Variants in GALNT10 observed in about 807,000 individuals in gnomAD.
The protein encoded by GALNT10 is GalNAc transferase 10.
GALNT10 carries 41 observed loss-of-function variants against 75.0 expected under a neutral mutation model. That is an observed-to-expected ratio of 0.55 (90% CI 0.43 to 0.71). GALNT10 has a LOEUF of 0.71. Ranked by LOEUF, GALNT10 falls within the 30% of genes least tolerant of loss-of-function variation. GALNT10 has a pLI of 0.00. For missense variants in GALNT10, 727 were observed against 818.5 expected, an observed-to-expected ratio of 0.89 and a Z score of 1.36; for synonymous variants, 302 against 313.0, an observed-to-expected ratio of 0.96 and a Z score of 0.37.
chr5:154,216,390 A>G (rs766279926), intron 1 of GALNT10, among the ~76,000 whole-genome samples: 1 of 152,166 alleles, frequency 6.6e-6, no homozygotes, highest in Non-Finnish European at 1.5e-5. Context: ...AAAAAAATGT[A>G]TCTACTTATT....
chr5:154,334,106 T>C (rs1432326677), intron 4 of GALNT10, among the ~76,000 whole-genome samples: 2 of 152,250 alleles, frequency 1.3e-5, no homozygotes, highest in Admixed American at 6.5e-5. Context: ...ACAAGCTAGA[T>C]TGGCACTGCC....
intron 3 of GALNT10, among the ~76,000 whole-genome samples, chr5:154,324,939 A>G (rs889426571): frequency 1.3e-5 from 2 of 152,322 alleles, no homozygotes; most frequent in East Asian, 3.9e-4. Context: ...GCAAGGATCA[A>G]CCATAAAATA....
rs948493528 is a variant in GALNT10, at chr5:154,376,003, A to G, written c.569-274A>G. On this transcript the variant is annotated intron_variant, in intron 4 of 11. Transcript: ENST00000297107. This position sits in a 1 kb window ranked among gnomAD's most constrained non-coding sequence, Gnocchi z 4.1. The stretch of plus-strand genomic sequence containing the variant: ...ATGAGGGAATGGTTCCCAGTCAGGC[A>G]TAAACCACAAATGTTCACACCCTTG... Among the ~76,000 whole-genome samples, 1 of 152,262 alleles carries G rather than the reference A, an allele frequency of 6.6e-6. No individual in the cohort carries two copies. The highest frequency in any genetic ancestry group is 2.4e-5 in the African/African-American group (1 of 41,480).
intron 7 of GALNT10, among the ~76,000 whole-genome samples, chr5:154,394,285 G>C (rs1271287947): frequency 1.4e-5 from 2 of 146,186 alleles, no homozygotes; most frequent in African/African-American, 5.1e-5. Flanking sequence ...GTTACTGAAA[G>C]GCTAGCCCAG....
intron 3 of GALNT10, among the ~76,000 whole-genome samples, chr5:154,309,919 A>G (rs977296072): frequency 6.6e-5 from 10 of 152,202 alleles, no homozygotes; most frequent in Non-Finnish European, 1.3e-4. Flanking sequence ...TAATTAACTC[A>G]CCTTCCTAGA....
chr5:154,403,562 T>C (rs1383794810), intron 7 of GALNT10, among the ~76,000 whole-genome samples: 2 of 152,120 alleles, frequency 1.3e-5, no homozygotes, highest in Non-Finnish European at 2.9e-5. Flanking sequence ...GGAAAATAAA[T>C]ATGTGACAGT....
intron 4 of GALNT10, among the ~76,000 whole-genome samples, chr5:154,333,014 G>A (rs938291363): frequency 6.6e-6 from 1 of 152,166 alleles, no homozygotes; most frequent in African/African-American, 2.4e-5. Context: ...CCGTGACTTT[G>A]TGCCTGCTCC....
intron 6 of GALNT10, among the ~76,000 whole-genome samples, chr5:154,384,627 C>G (rs1247566737): frequency 6.6e-6 from 1 of 152,220 alleles, no homozygotes; most frequent in African/African-American, 2.4e-5. Context: ...CGCTGCATCT[C>G]AGGTCACACA....
intron 4 of GALNT10, among the ~76,000 whole-genome samples, chr5:154,334,597 G>A (rs928999452): frequency 1.6e-4 from 25 of 152,180 alleles, no homozygotes; most frequent in Non-Finnish European, 2.6e-4. Context: ...AATTAGTTAT[G>A]TGGTAATGGA....
At chr5:154,245,488 T>TCCTCAGG (rs1016407249) in intron 1 of GALNT10, among the ~76,000 whole-genome samples, 18 of 151,714 alleles carry the variant, frequency 1.2e-4, no homozygotes, top group East Asian at 9.7e-4. Flanking sequence ...TTCAAACTTG[T>TCCTCAGG]CCTCAGGTCA....
intron 4 of GALNT10, among the ~76,000 whole-genome samples, chr5:154,369,672 G>T (rs977678139): frequency 2.6e-5 from 4 of 152,174 alleles, no homozygotes; most frequent in Admixed American, 2.0e-4. Context: ...CCAGGAAACA[G>T]ATGAACTATG....
intron 4 of GALNT10, among the ~76,000 whole-genome samples, chr5:154,336,449 C>T (rs1754946994): frequency 6.6e-6 from 1 of 152,168 alleles, no homozygotes; most frequent in Non-Finnish European, 1.5e-5. Context: ...TGCATTTCCA[C>T]CTGCAATGAA....
At chr5:154,289,697 A>T (rs1248959638) in intron 1 of GALNT10, among the ~76,000 whole-genome samples, 2 of 152,220 alleles carry the variant, frequency 1.3e-5, no homozygotes, top group African/African-American at 4.8e-5. Flanking sequence ...TGTGTTTTCT[A>T]AAAAAGGTAT....
chr5:154,327,925 T>A (rs1281499942), intron 3 of GALNT10, among the ~76,000 whole-genome samples: 1 of 151,940 alleles, frequency 6.6e-6, no homozygotes, highest in African/African-American at 2.4e-5. Context: ...TTGAATTAGG[T>A]CAAGCTTATA....
At chr5:154,380,657 C>T (rs768715138) in intron 6 of GALNT10, 26 bp downstream of exon 6, 30 of 1,551,640 alleles carry the variant, frequency 1.9e-5, no homozygotes, top group African/African-American at 2.7e-5. Context: ...CCTGGCTGGT[C>T]CCAGTGGCTA....
intron 3 of GALNT10, among the ~76,000 whole-genome samples, chr5:154,319,305 T>C (rs1322202854): frequency 6.6e-6 from 1 of 152,220 alleles, no homozygotes; most frequent in Non-Finnish European, 1.5e-5. Flanking sequence ...ACATCCCAAA[T>C]GTTTAGCAGA....
intron 3 of GALNT10, among the ~76,000 whole-genome samples, chr5:154,320,073 G>T (rs537551108): frequency 1.3e-5 from 2 of 152,292 alleles, no homozygotes; most frequent in East Asian, 1.9e-4. Flanking sequence ...TTTAAACAAA[G>T]AACCTCTACT....
chr5:154,241,231 T>G (rs1439488813), intron 1 of GALNT10, among the ~76,000 whole-genome samples: 2 of 152,136 alleles, frequency 1.3e-5, no homozygotes, highest in African/African-American at 4.8e-5. Flanking sequence ...AGTATGGGTT[T>G]GGTGTTTGGC....
rs565622903 is a variant in GALNT10 at position 154,281,793 on chromosome 5, C to T, written c.160-13023C>T. Among the ~76,000 whole-genome samples, 3 of 152,296 alleles carry T rather than the reference C, an allele frequency of 2.0e-5. No individual in the cohort carries two copies. The South Asian group carries it at 6.2e-4, about 32-fold the overall frequency. ...GTCCAGGACTAGTATCATAGTTCTG[C>T]CCCCTGAAGTCCTCAAGAACCTGTA... On this transcript the variant is annotated intron_variant, in intron 1 of 11. Transcript: ENST00000297107.
Sources: allele counts gnomAD v4.1 joint callset (sites outside exome capture counted in the v4.1 genomes callset), GRCh38; gene constraint gnomAD v4.1.1; non-coding constraint Gnocchi (gnomAD v3.1); transcripts MANE v1.5; gene names NCBI Gene and HGNC (gene_info 2026-07-23, HGNC 2026-07-21).